Variants in QKI observed in about 807,000 individuals in gnomAD.
The protein encoded by QKI is KH domain-containing RNA-binding protein QKI.
In QKI, 10 loss-of-function variants were observed where a neutral mutation model predicts 39.0. The observed-to-expected ratio is 0.26, with a 90% CI of 0.16 to 0.43. The LOEUF is 0.43. Among genes scored for constraint, QKI ranks in the 20% least tolerant of loss-of-function variants. The probability of loss-of-function intolerance (pLI) is 1.00; values close to 1 mark genes in which losing one functional copy is unlikely to be tolerated. For missense variants in QKI, 218 were observed against 428.0 expected, an observed-to-expected ratio of 0.51 and a Z score of 4.33; for synonymous variants, 204 against 155.4, an observed-to-expected ratio of 1.31 and a Z score of -2.33.
chr6:163,563,759 A>G (rs2128250770), intron 6 of QKI, 40 bp downstream of exon 6: 3 of 1,562,552 alleles, frequency 1.9e-6, no homozygotes, highest in Middle Eastern at 1.8e-4. Context: ...CATTCTCTTT[A>G]TAAATATTTT....
chr6:163,514,851 T>G (rs549471003), intron 3 of QKI, among the ~76,000 whole-genome samples: 2 of 152,268 alleles, frequency 1.3e-5, no homozygotes, highest in East Asian at 3.9e-4. Context: ...TAAAGCAGGA[T>G]TACTGACTAG....
At position 163,578,324 on chromosome 6, in the gene QKI, A is replaced by G. The variant is rs908568636; in HGVS notation, c.*7614A>G. ...TTGCAGAACTATTTGAGTTGATACTAAAGATTTTATGTTCACTCCTTTACC... is the reference window on the plus strand; with the variant it reads ...TTGCAGAACTATTTGAGTTGATACTGAAGATTTTATGTTCACTCCTTTACC... On this transcript the variant is annotated 3_prime_UTR_variant, in exon 8 of 8. Coordinates refer to ENST00000361752, the MANE Select transcript of QKI (RefSeq NM_006775.3). 6.6e-6 allele frequency: 1 copy of G among 152,336 alleles called. No homozygotes were observed. The highest frequency in any genetic ancestry group is 3.4e-3 in the Middle Eastern group (1 of 294). The allele number at this position is 152,336 out of a possible 1,614,324, so 9.4% of individuals were successfully genotyped here. A position where few individuals can be genotyped will look rare whatever the true frequency, so the allele number is the denominator to read the frequency against.
At position 163,578,182 on chromosome 6, in the gene QKI, A is replaced by C. The variant is rs1268259587; in HGVS notation, c.*7472A>C. 6.6e-6 allele frequency: 1 copy of C among 152,202 alleles called. No homozygotes were observed. The allele number at this position is 152,202 out of a possible 1,614,324, so 9.4% of individuals were successfully genotyped here. ...TGAAAATCTACTGTAGTCTGTTTTA[A>C]AGTATGCTATACTATGTTCATTGGT... On this transcript the variant is annotated 3_prime_UTR_variant, in exon 8 of 8. Coordinates refer to ENST00000361752, the MANE Select transcript of QKI (RefSeq NM_006775.3).
At chr6:163,474,747 G>C (rs1245752651) in intron 2 of QKI, among the ~76,000 whole-genome samples, 1 of 144,608 alleles carries the variant, frequency 6.9e-6, no homozygotes, top group Non-Finnish European at 1.5e-5. Flanking sequence ...TTTGAGATCA[G>C]CCTGGGCAAC....
intron 2 of QKI, chr6:163,457,415 G>T (rs1045368581): frequency 6.6e-6 from 3 of 455,774 alleles, no homozygotes; most frequent in Non-Finnish European, 8.8e-6. Flanking sequence ...TACTATTACC[G>T]ACTGGTGTGT....
rs1314613050 is a variant in QKI at position 163,578,443 on chromosome 6, T to A, written c.*7733T>A. On this transcript the variant is annotated 3_prime_UTR_variant, in exon 8 of 8. Transcript: ENST00000361752. ...CCCTTATTACATTCATTGTTTTCAA[T>A]GATTGATTTATAAAATTAAGACATA... The A allele has an allele frequency of 6.6e-6, 1 of 152,226 alleles. No individual in the cohort carries two copies. The highest frequency in any genetic ancestry group is 2.4e-5 in the African/African-American group (1 of 41,452). 9.4% of individuals were successfully genotyped at this position (152,226 alleles called of 1,614,324 possible).
At chr6:163,415,405 G>A in intron 1 of QKI, 70 bp downstream of exon 1, 1 of 1,487,084 alleles carries the variant, frequency 6.7e-7, no homozygotes, top group Non-Finnish European at 9.1e-7. Context: ...GCTTGGGATG[G>A]TGGGGAGGGC....
At position 163,531,880 on chromosome 6, in the gene QKI, T is replaced by C. The variant is rs1029713474; in HGVS notation, c.403-3102T>C. ...GAGTGTAAGTACACCATTCCATTAA[T>C]TTCTCCATCTTTGAAAATTTTTGCT... On this transcript the variant is annotated intron_variant, in intron 3 of 7. Coordinates refer to ENST00000361752, the MANE Select transcript of QKI (RefSeq NM_006775.3). Among the ~76,000 whole-genome samples, 2 of 152,258 alleles carry C rather than the reference T, an allele frequency of 1.3e-5. 1 individual carries two copies. The highest frequency in any genetic ancestry group is 4.1e-4 in the South Asian group (2 of 4,832).
intron 7 of QKI, chr6:163,567,149 G>A (rs935616527): frequency 9.8e-7 from 1 of 1,016,536 alleles, no homozygotes; most frequent in Non-Finnish European, 1.2e-6. Flanking sequence ...GAAATTTGGG[G>A]TTGGTATTGC....
At chr6:163,544,881 A>G (rs551389670) in intron 4 of QKI, among the ~76,000 whole-genome samples, 8 of 152,242 alleles carry the variant, frequency 5.3e-5, no homozygotes, top group Admixed American at 5.2e-4. Context: ...AAGGTACAAT[A>G]CATTTTTTGT....
chr6:163,421,184 T>A (rs148519387), intron 1 of QKI, among the ~76,000 whole-genome samples: 1 of 152,266 alleles, frequency 6.6e-6, no homozygotes, highest in African/African-American at 2.4e-5. Context: ...AAGGCACTTA[T>A]ATGTTTTCTT....
At position 163,456,780 on chromosome 6, in the gene QKI, A is replaced by G. The variant is rs141528020; in HGVS notation, c.285+1359A>G. Among the ~76,000 whole-genome samples, 782 of 152,256 alleles carry G rather than the reference A, an allele frequency of 5.1e-3. 11 individuals carry two copies. Among genetic ancestry groups the G allele is most frequent in the African/African-American group, 0.018 (746 of 41,542 alleles). On this transcript the variant is annotated intron_variant, in intron 2 of 7. Coordinates refer to ENST00000361752, the MANE Select transcript of QKI (RefSeq NM_006775.3). ...ATTGAGTAACACAGAGGATTAAAGG[A>G]ATAGTTGGAAAACAAAGTGCCATGT...
At chr6:163,449,246 A>T (rs1173099211) in intron 1 of QKI, among the ~76,000 whole-genome samples, 3 of 152,186 alleles carry the variant, frequency 2.0e-5, no homozygotes. Flanking sequence ...TTTTATGTAT[A>T]TCAAATTATG....
intron 4 of QKI, among the ~76,000 whole-genome samples, chr6:163,540,065 G>T (rs1781419980): frequency 6.6e-6 from 1 of 150,996 alleles, no homozygotes; most frequent in Non-Finnish European, 1.5e-5. Flanking sequence ...TTTTTAAATG[G>T]GAAATATTCC....
At chr6:163,467,719 T>C (rs1043872734) in intron 2 of QKI, among the ~76,000 whole-genome samples, 1 of 152,204 alleles carries the variant, frequency 6.6e-6, no homozygotes, top group Non-Finnish European at 1.5e-5. Flanking sequence ...AGAATTAATA[T>C]GAAGGTAACA....
At chr6:163,429,790 T>C (rs1221093118) in intron 1 of QKI, among the ~76,000 whole-genome samples, 1 of 152,218 alleles carries the variant, frequency 6.6e-6, no homozygotes, top group African/African-American at 2.4e-5. Flanking sequence ...TAATTGAAAC[T>C]TTTCATTCTA....
chr6:163,572,832 C>T lies in QKI; in HGVS notation c.*2122C>T, dbSNP rs924405619. ...GTCAGTTTATTTACTATGCAATAGA[C>T]ATTCATTGTTTTGTATCCAGCTAGC... On this transcript the variant is annotated 3_prime_UTR_variant, in exon 8 of 8. Coordinates refer to ENST00000361752, the MANE Select transcript of QKI (RefSeq NM_006775.3). The T allele has an allele frequency of 6.6e-6, 1 of 152,008 alleles. No individual in the cohort carries two copies. Among genetic ancestry groups the T allele is most frequent in the Non-Finnish European group, 1.5e-5 (1 of 68,024 alleles). The allele number at this position is 152,008 out of a possible 1,614,324, so 9.4% of individuals were successfully genotyped here.
At chr6:163,441,723 G>C (rs1381891276) in intron 1 of QKI, among the ~76,000 whole-genome samples, 1 of 152,206 alleles carries the variant, frequency 6.6e-6, no homozygotes, top group Non-Finnish European at 1.5e-5. Flanking sequence ...GGAGGTGTTA[G>C]TGTGAGCCAT....
intron 1 of QKI, among the ~76,000 whole-genome samples, chr6:163,416,948 T>C (rs1039240970): frequency 6.6e-6 from 1 of 152,054 alleles, no homozygotes; most frequent in Non-Finnish European, 1.5e-5. Context: ...AACTCTTAAA[T>C]TGAGTATTTC....
Sources: allele counts gnomAD v4.1 joint callset (sites outside exome capture counted in the v4.1 genomes callset), GRCh38; gene constraint gnomAD v4.1.1; transcripts MANE v1.5; gene names NCBI Gene and HGNC (gene_info 2026-07-23, HGNC 2026-07-21).